The following ATP10D variants were observed in gnomAD, a reference collection of about 807,000 sequenced individuals.
ATP10D encodes the protein ATPase phospholipid transporting 10D (putative).
In ATP10D, 89 loss-of-function variants were observed where a neutral mutation model predicts 144.8. The ratio of observed to expected loss-of-function variants is 0.61; its 90% CI spans 0.52 to 0.73. The LOEUF (loss-of-function observed/expected upper bound fraction) is 0.73, where lower values mean the gene tolerates loss of function less well. Ranked by LOEUF, ATP10D falls within the 30% of genes least tolerant of loss-of-function variation. The pLI, the probability that ATP10D is intolerant of heterozygous loss-of-function variation, is 0.00. For missense variants in ATP10D, 1,603 were observed against 1,714.8 expected (o/e 0.93, Z 1.15); for synonymous variants, 571 against 615.1 (o/e 0.93, Z 1.06).
intron 9 of ATP10D, among the ~76,000 whole-genome samples, chr4:47,539,567 T>C (rs1165741354): frequency 2.6e-5 from 4 of 152,196 alleles, no homozygotes; most frequent in Non-Finnish European, 5.9e-5. Flanking sequence ...AAAACAGAAA[T>C]GGCATCGCAG....
chr4:47,572,365 C>T, intron 17 of ATP10D, 135 bp downstream of exon 17: 3 of 689,142 alleles, frequency 4.4e-6, no homozygotes, highest in Non-Finnish European at 7.3e-6. Context: ...GGAAGTTTAC[C>T]TATCTATTCA....
At chr4:47,555,287 C>T (rs1221278301) in intron 11 of ATP10D, among the ~76,000 whole-genome samples, 1 of 152,186 alleles carries the variant, frequency 6.6e-6, no homozygotes, top group African/African-American at 2.4e-5. Context: ...TTGTGCCCTC[C>T]GTATGAGAAT....
intron 10 of ATP10D, among the ~76,000 whole-genome samples, chr4:47,553,388 A>G (rs1284529243): frequency 6.6e-6 from 1 of 152,260 alleles, no homozygotes; most frequent in African/African-American, 2.4e-5. Flanking sequence ...AGCACAAGCC[A>G]GTAGAATTAA....
intron 9 of ATP10D, among the ~76,000 whole-genome samples, chr4:47,537,159 T>A (rs1213733719): frequency 6.6e-6 from 1 of 152,124 alleles, no homozygotes; most frequent in Non-Finnish European, 1.5e-5. Flanking sequence ...GTGAAGTAAA[T>A]TACTAGTGGA....
In ATP10D at chr4:47,582,019, T is replaced by C. The variant is rs774267979; in HGVS notation, c.3708T>C (p.Ala1236=). The change falls in exon 21 of 23, where the codon GCT becomes GCC. Residue 1236 remains alanine (A), a synonymous_variant. Coordinates refer to ENST00000273859, the MANE Select transcript of ATP10D (RefSeq NM_020453.4). ...TTGGAAACCCCCTGAACACAGCCGC[T>C]CTGTTCATCGTTCTCCTCCATCTGG... ...FAFGNPLNTA[A]LFIVLLHLVI... 4.3e-6 allele frequency: 7 copies of C among 1,614,128 alleles called. No homozygotes were observed. In the South Asian group the frequency reaches 7.7e-5, roughly 18 times the overall value.
At chr4:47,541,416 TAAGGC>T (rs1429025864) in intron 9 of ATP10D, among the ~76,000 whole-genome samples, 1 of 152,172 alleles carries the variant, frequency 6.6e-6, no homozygotes. Context: ...TTGCACTGAT[TAAGGC>T]TTGGGATGTT....
At chr4:47,575,275 T>C (rs992422737) in intron 18 of ATP10D, among the ~76,000 whole-genome samples, 3 of 152,178 alleles carry the variant, frequency 2.0e-5, no homozygotes, top group African/African-American at 7.2e-5. Flanking sequence ...CAAAACTCTC[T>C]CTAAGTCCAA....
intron 1 of ATP10D, among the ~76,000 whole-genome samples, chr4:47,496,156 CTTTTTT>C (rs5858072): frequency 1.1e-4 from 14 of 132,914 alleles, no homozygotes; most frequent in East Asian, 2.1e-4. Context: ...TTTCCTTTTT[CTTTTTT>C]TTTTTTTTTT....
chr4:47,582,759 C>T (rs572806278), intron 21 of ATP10D: 1 of 152,250 alleles, frequency 6.6e-6, no homozygotes, highest in East Asian at 1.9e-4. Context: ...AATATAATTT[C>T]CCCCAACAGC....
chr4:47,587,755 G>C (rs1720857955), intron 22 of ATP10D, among the ~76,000 whole-genome samples: 1 of 152,096 alleles, frequency 6.6e-6, no homozygotes. Context: ...TCTCACTCAG[G>C]AGGGCTCTGC....
intron 10 of ATP10D, among the ~76,000 whole-genome samples, chr4:47,550,891 C>T (rs1316213776): frequency 1.3e-5 from 2 of 151,276 alleles, no homozygotes; most frequent in African/African-American, 4.8e-5. Context: ...AAGCTCAGCT[C>T]GAGCCATAAC....
chr4:47,549,449 A>G (rs1005090022), intron 10 of ATP10D, among the ~76,000 whole-genome samples: 1 of 152,208 alleles, frequency 6.6e-6, no homozygotes, highest in African/African-American at 2.4e-5. Context: ...GGAAGCCAGG[A>G]TCCTGTCTGT....
At chr4:47,495,614 T>G (rs1042080561) in intron 1 of ATP10D, among the ~76,000 whole-genome samples, 1 of 152,214 alleles carries the variant, frequency 6.6e-6, no homozygotes, top group Non-Finnish European at 1.5e-5. Flanking sequence ...TTTGAAATTC[T>G]TCCATGTTTA....
At chr4:47,527,665 CA>C (rs1398003447) in intron 5 of ATP10D, among the ~76,000 whole-genome samples, 4 of 152,068 alleles carry the variant, frequency 2.6e-5, no homozygotes, top group African/African-American at 9.7e-5. Context: ...ATATGAATGG[CA>C]AATAATTTTG....
intron 22 of ATP10D, among the ~76,000 whole-genome samples, chr4:47,588,365 A>G (rs774436938): frequency 2.1e-4 from 32 of 152,192 alleles, no homozygotes; most frequent in Non-Finnish European, 4.4e-4. Flanking sequence ...TGGTAAGTTC[A>G]TGTTATTCTA....
intron 9 of ATP10D, among the ~76,000 whole-genome samples, chr4:47,546,417 T>C (rs1434086610): frequency 2.6e-5 from 4 of 151,996 alleles, no homozygotes; most frequent in Non-Finnish European, 5.9e-5. Flanking sequence ...GATTTGACGA[T>C]GGAAAAAGAA....
At chr4:47,556,849 G>A (rs1012304967) in intron 11 of ATP10D, 7 of 152,076 alleles carry the variant, frequency 4.6e-5, no homozygotes, top group Admixed American at 4.6e-4. Context: ...ACTGATAAAA[G>A]TTAAGATTTA....
intron 1 of ATP10D, among the ~76,000 whole-genome samples, chr4:47,495,515 G>A (rs932602530): frequency 7.9e-5 from 12 of 152,008 alleles, no homozygotes; most frequent in African/African-American, 2.9e-4. Flanking sequence ...AAAAAAACAT[G>A]GAGAGTATAA....
intron 6 of ATP10D, 143 bp from the exon 7 acceptor site, chr4:47,535,759 G>T: frequency 7.6e-7 from 1 of 1,313,974 alleles, no homozygotes; most frequent in East Asian, 2.5e-5. Context: ...TTTTCTAAAT[G>T]GATCACAAAA....
Sources: allele counts gnomAD v4.1 joint callset (sites outside exome capture counted in the v4.1 genomes callset), GRCh38; gene constraint gnomAD v4.1.1; transcripts MANE v1.5; gene names NCBI Gene and HGNC (gene_info 2026-07-23, HGNC 2026-07-21).